Variants in DEPDC5 observed in about 807,000 individuals in gnomAD.
DEPDC5 encodes the protein GATOR1 complex protein DEPDC5.
In DEPDC5, 73 loss-of-function variants were observed where a neutral mutation model predicts 217.3. The ratio of observed to expected loss-of-function variants is 0.34; its 90% CI spans 0.28 to 0.41. DEPDC5 has a LOEUF of 0.41. Among genes scored for constraint, DEPDC5 ranks in the 10% least tolerant of loss-of-function variants. The pLI, the probability that DEPDC5 is intolerant of heterozygous loss-of-function variation, is 1.00. For missense variants in DEPDC5, 1,675 were observed against 2,070.1 expected, an observed-to-expected ratio of 0.81 and a Z score of 3.70; for synonymous variants, 733 against 756.7, an observed-to-expected ratio of 0.97 and a Z score of 0.51.
At chr22:31,812,826 C>T (rs1274386030) in intron 20 of DEPDC5, among the ~76,000 whole-genome samples, 8 of 130,696 alleles carry the variant, frequency 6.1e-5, no homozygotes, top group Non-Finnish European at 8.9e-5. Context: ...CCACAACCTC[C>T]GCCTCCCAGG....
intron 18 of DEPDC5, 136 bp downstream of exon 18, chr22:31,806,327 A>T: frequency 1.4e-6 from 1 of 702,660 alleles, no homozygotes; most frequent in Non-Finnish European, 2.3e-6. Flanking sequence ...CTGCCCAGCC[A>T]AGAAGGTAGA....
chr22:31,764,051 T>A (rs2082618180), intron 4 of DEPDC5, among the ~76,000 whole-genome samples: 1 of 152,060 alleles, frequency 6.6e-6, no homozygotes, highest in Non-Finnish European at 1.5e-5. Flanking sequence ...TGCCTCTGCC[T>A]CCTGAGTAGC....
At chr22:31,795,378 A>AT (rs921941255) in intron 12 of DEPDC5, among the ~76,000 whole-genome samples, 29 of 150,680 alleles carry the variant, frequency 1.9e-4, no homozygotes, top group Admixed American at 1.7e-3. Flanking sequence ...CCTCCATGTG[A>AT]TTTTTTTACA....
intron 11 of DEPDC5, 93 bp downstream of exon 11, chr22:31,792,195 CT>C: frequency 2.3e-6 from 2 of 876,834 alleles, no homozygotes; most frequent in Admixed American, 1.9e-5. Flanking sequence ...CCTCGTTGCA[CT>C]TTTCCACCCT....
At chr22:31,859,388 G>C (rs565915684) in intron 32 of DEPDC5, among the ~76,000 whole-genome samples, 1 of 139,244 alleles carries the variant, frequency 7.2e-6, no homozygotes, top group South Asian at 2.3e-4. Flanking sequence ...ACTGCGCCCG[G>C]CTTTTTTTTT....
chr22:31,781,986 G>A (rs2084494784), intron 8 of DEPDC5, among the ~76,000 whole-genome samples: 1 of 152,048 alleles, frequency 6.6e-6, no homozygotes, highest in African/African-American at 2.4e-5. Context: ...AGCTATGATG[G>A]TGCCACTGCA....
rs780375074 is a variant in DEPDC5 at position 31,834,061 on chromosome 22, C to T, written c.2170+81C>T. ...GAGCATGAGGAAACAAGAGGAAGCC[C>T]TGTGGGAAGTGAGTGGTCCTGAGGT... On this transcript the variant is annotated intron_variant, in intron 25 of 42. Transcript: ENST00000651528. 3.4e-5 allele frequency: 48 copies of T among 1,419,650 alleles called. No homozygotes were observed. In the East Asian group the frequency reaches 1.1e-3, roughly 32 times the overall value. The allele number at this position is 1,419,650 out of a possible 1,614,324, so 87.9% of individuals were successfully genotyped here.
At chr22:31,844,991 C>A (rs756032506) in intron 29 of DEPDC5, 27 bp from the exon 30 acceptor site, 2 of 1,611,808 alleles carry the variant, frequency 1.2e-6, no homozygotes, top group African/African-American at 2.7e-5. Flanking sequence ...CTCTCACCAC[C>A]ACCCTGTGTT....
In DEPDC5 at chr22:31,804,243, G is replaced by A. The variant is rs2087217578; in HGVS notation, c.1143+20G>A. 2 of 1,613,482 alleles carry A rather than the reference G, an allele frequency of 1.2e-6. No individual in the cohort carries two copies. Among genetic ancestry groups the A allele is most frequent in the South Asian group, 2.2e-5 (2 of 91,066 alleles). On this transcript the variant is annotated intron_variant, in intron 16 of 42. Coordinates refer to ENST00000651528, the MANE Select transcript of DEPDC5 (RefSeq NM_001242896.3). ...TTCAAGGTAATTAGATTTCGGATTT[G>A]TTTACTAAAGGCCAGTTGGAGTATA...
At chr22:31,818,953 C>A in intron 21 of DEPDC5, 69 bp from the exon 22 acceptor site, 1 of 1,533,314 alleles carries the variant, frequency 6.5e-7, no homozygotes, top group Non-Finnish European at 9.0e-7. Flanking sequence ...GTTTATCATT[C>A]TACCTAGCTC....
chr22:31,788,969 TCACTGCAACTTC>T (rs2085332695), intron 10 of DEPDC5, among the ~76,000 whole-genome samples: 1 of 152,198 alleles, frequency 6.6e-6, no homozygotes, highest in Non-Finnish European at 1.5e-5. Context: ...CGAACATGGC[TCACTGCAACTTC>T]CACCTCCCAG....
chr22:31,814,787 A>T, intron 20 of DEPDC5: 1 of 593,222 alleles, frequency 1.7e-6, no homozygotes, highest in African/African-American at 1.9e-5. Flanking sequence ...TGGCTGCATA[A>T]TGTCTGTCAT....
At chr22:31,783,490 C>G (rs1027074526) in intron 8 of DEPDC5, among the ~76,000 whole-genome samples, 3 of 152,080 alleles carry the variant, frequency 2.0e-5, no homozygotes, top group Non-Finnish European at 2.9e-5. Flanking sequence ...GGGAGACCCC[C>G]TCTCTACAAA....
chr22:31,884,757 T>C (rs947677735), intron 38 of DEPDC5, among the ~76,000 whole-genome samples: 1 of 152,166 alleles, frequency 6.6e-6, no homozygotes, highest in African/African-American at 2.4e-5. Flanking sequence ...TCCCTCCAGC[T>C]ACCTACTTGA....
intron 38 of DEPDC5, among the ~76,000 whole-genome samples, chr22:31,892,184 T>C (rs1258666534): frequency 6.6e-6 from 1 of 152,232 alleles, no homozygotes; most frequent in Non-Finnish European, 1.5e-5. Flanking sequence ...GGGTTTAGCC[T>C]GGCTGAGGTT....
intron 41 of DEPDC5, among the ~76,000 whole-genome samples, chr22:31,902,270 C>T (rs2093660458): frequency 6.6e-6 from 1 of 151,894 alleles, no homozygotes; most frequent in Admixed American, 6.6e-5. Flanking sequence ...ACTAGTCCAG[C>T]CGACTGTGTT....
intron 4 of DEPDC5, among the ~76,000 whole-genome samples, chr22:31,762,255 G>A (rs1010484711): frequency 2.0e-5 from 3 of 152,112 alleles, no homozygotes; most frequent in Admixed American, 6.6e-5. Flanking sequence ...AACAACTCTT[G>A]AGTGAGTGAG....
At chr22:31,886,804 T>C (rs112133082) in intron 38 of DEPDC5, among the ~76,000 whole-genome samples, 2,050 of 138,646 alleles carry the variant, frequency 0.015, 20 homozygotes, top group Middle Eastern at 0.051. Context: ...GGCATGGTGG[T>C]TCACGCCTGT....
intron 40 of DEPDC5, among the ~76,000 whole-genome samples, chr22:31,899,546 T>G (rs1398814214): frequency 6.6e-6 from 1 of 152,058 alleles, no homozygotes; most frequent in African/African-American, 2.4e-5. Context: ...ACGCCATTCA[T>G]GCCCAGGTAA....
Sources: gnomAD v4.1 joint callset for allele counts (sites outside exome capture counted in the v4.1 genomes callset) on GRCh38, gnomAD v4.1.1 for gene constraint, MANE v1.5 for transcripts, NCBI Gene and HGNC (gene_info 2026-07-23, HGNC 2026-07-21) for gene names.